COL19A1: variants seen among roughly 807,000 people sequenced by gnomAD.
COL19A1 encodes the protein collagen alpha-1(XIX) chain.
COL19A1 carries 159 observed loss-of-function variants against 190.2 expected under a neutral mutation model. That is an observed-to-expected ratio of 0.84 (90% CI 0.73 to 0.95). COL19A1 has a LOEUF of 0.95. Ranked by LOEUF, COL19A1 falls within the 40% of genes least tolerant of loss-of-function variation. The pLI, the probability that COL19A1 is intolerant of heterozygous loss-of-function variation, is 0.00. For missense variants in COL19A1, 1,418 were observed against 1,431.9 expected (o/e 0.99, Z 0.16); for synonymous variants, 509 against 458.9 (o/e 1.11, Z -1.39).
intron 9 of COL19A1, among the ~76,000 whole-genome samples, chr6:69,945,865 C>G (rs1180731012): frequency 1.3e-5 from 2 of 151,920 alleles, no homozygotes; most frequent in Non-Finnish European, 2.9e-5. Context: ...GAAACTCATT[C>G]AAAAAGTGTA....
intron 1 of COL19A1, among the ~76,000 whole-genome samples, chr6:69,872,387 A>T (rs553422987): frequency 3.2e-4 from 49 of 152,254 alleles, no homozygotes; most frequent in African/African-American, 1.1e-3. Flanking sequence ...ATATCTATTG[A>T]TAGGATGAGG....
intron 16 of COL19A1, among the ~76,000 whole-genome samples, chr6:70,113,637 A>G (rs941909463): frequency 2.0e-5 from 3 of 152,102 alleles, no homozygotes; most frequent in Non-Finnish European, 2.9e-5. Context: ...CTCAAAAGTT[A>G]TTTAAGATGC....
At chr6:70,022,838 CTAT>C in intron 11 of COL19A1, among the ~76,000 whole-genome samples, 1 of 152,186 alleles carries the variant, frequency 6.6e-6, no homozygotes, top group Admixed American at 6.5e-5. Flanking sequence ...AACTAGTTTC[CTAT>C]TATTGGACAG....
At chr6:70,035,557 G>T (rs919132563) in intron 13 of COL19A1, among the ~76,000 whole-genome samples, 1 of 152,054 alleles carries the variant, frequency 6.6e-6, no homozygotes, top group East Asian at 1.9e-4. Context: ...ATTATCTATC[G>T]CCGTGACACT....
chr6:69,889,709 A>C (rs904820628), intron 2 of COL19A1, among the ~76,000 whole-genome samples: 1 of 152,196 alleles, frequency 6.6e-6, no homozygotes, highest in African/African-American at 2.4e-5. Flanking sequence ...GTAAAAACGC[A>C]CCAATCAGCG....
At chr6:69,997,681 G>T (rs1174790069) in intron 11 of COL19A1, among the ~76,000 whole-genome samples, 1 of 151,964 alleles carries the variant, frequency 6.6e-6, no homozygotes, top group African/African-American at 2.4e-5. Flanking sequence ...AAATTGAAAT[G>T]ATCTAAAGAA....
chr6:70,123,770 A>G (rs1785026731), intron 17 of COL19A1, among the ~76,000 whole-genome samples: 1 of 142,722 alleles, frequency 7.0e-6, no homozygotes, highest in Non-Finnish European at 1.5e-5. Context: ...AGAACAACAC[A>G]TGGACACAGG....
At position 69,900,253 on chromosome 6, in the gene COL19A1, G is replaced by C. The variant is rs768155303; in HGVS notation, c.181G>C (p.Asp61His). ...KLEVSGFDLG[D>H]SFSLRRAFCE... is the part of the protein sequence containing the mutation. ...ACATTTTACAGGTTTTGATCTAGGA[G>C]ACAGCTTTTCTCTAAGACGTGCATT... is the stretch of plus-strand genomic sequence containing the variant. The change falls in exon 4 of 51, where the codon GAC becomes CAC. Residue 61 changes from aspartate (D) to histidine (H), a missense_variant. By Grantham distance (81) the Asp-to-His change is moderately conservative. Coordinates refer to ENST00000620364, the MANE Select transcript of COL19A1 (RefSeq NM_001858.6). The C allele has an allele frequency of 6.3e-7, 1 of 1,587,818 alleles. No homozygotes were observed. Among genetic ancestry groups the C allele is most frequent in the Non-Finnish European group, 8.6e-7 (1 of 1,167,166 alleles).
intron 40 of COL19A1, 76 bp downstream of exon 40, chr6:70,168,757 A>T: frequency 6.6e-7 from 1 of 1,512,514 alleles, no homozygotes; most frequent in East Asian, 2.3e-5. Flanking sequence ...CATCGGGCAA[A>T]ATGGCCTGCC....
At chr6:69,952,514 T>TAA (rs113073561) in intron 9 of COL19A1, among the ~76,000 whole-genome samples, 2 of 151,578 alleles carry the variant, frequency 1.3e-5, no homozygotes, top group East Asian at 1.9e-4. Context: ...CTTCTGGAAG[T>TAA]AAAAAAAGCT....
At chr6:70,062,243 T>A (rs10455227) in intron 14 of COL19A1, among the ~76,000 whole-genome samples, 48,962 of 151,896 alleles carry the variant, frequency 0.32, 9,976 homozygotes, top group Non-Finnish European at 0.45. Context: ...GTACTAACAC[T>A]TTAAAAAAAT....
At chr6:69,885,076 C>G (rs953491545) in intron 2 of COL19A1, among the ~76,000 whole-genome samples, 1 of 152,096 alleles carries the variant, frequency 6.6e-6, no homozygotes, top group Non-Finnish European at 1.5e-5. Context: ...GTTGGTCAGG[C>G]TGGTCTCGAA....
intron 4 of COL19A1, among the ~76,000 whole-genome samples, chr6:69,926,091 A>C (rs60748129): frequency 0.18 from 26,929 of 151,914 alleles, 3,171 homozygotes; most frequent in African/African-American, 0.32. Context: ...TTTCTCCTGC[A>C]TGATTGCCCT....
At chr6:70,115,680 A>G (rs187847408) in intron 16 of COL19A1, among the ~76,000 whole-genome samples, 48 of 152,304 alleles carry the variant, frequency 3.2e-4, no homozygotes, top group Non-Finnish European at 5.7e-4. Context: ...ATTTAATCCC[A>G]AGTATGAGAG....
At chr6:69,879,046 A>T (rs187930878) in intron 1 of COL19A1, among the ~76,000 whole-genome samples, 96 of 152,310 alleles carry the variant, frequency 6.3e-4, no homozygotes, top group Middle Eastern at 3.4e-3. Context: ...GTTGGGGGAG[A>T]GGAAAATGGG....
chr6:69,966,964 C>T (rs1159948719), intron 11 of COL19A1, among the ~76,000 whole-genome samples: 2 of 152,048 alleles, frequency 1.3e-5, no homozygotes, highest in Non-Finnish European at 2.9e-5. Flanking sequence ...TTATACCATT[C>T]AATATTTTTA....
intron 11 of COL19A1, among the ~76,000 whole-genome samples, chr6:70,021,212 G>A (rs537782643): frequency 6.6e-6 from 1 of 152,172 alleles, no homozygotes; most frequent in African/African-American, 2.4e-5. Flanking sequence ...TCAATTTTAA[G>A]CAGTATGTTT....
At chr6:69,957,839 CAGAG>C (rs1416706956) in intron 9 of COL19A1, among the ~76,000 whole-genome samples, 1 of 152,098 alleles carries the variant, frequency 6.6e-6, no homozygotes, top group African/African-American at 2.4e-5. Context: ...ACCTGGGTGT[CAGAG>C]GGAGCATAAA....
intron 14 of COL19A1, among the ~76,000 whole-genome samples, chr6:70,042,238 C>T (rs146025335): frequency 9.0e-4 from 137 of 152,124 alleles, no homozygotes; most frequent in African/African-American, 2.6e-3. Context: ...GTATCAAATT[C>T]GAATTAAAAA....
Sources: allele counts gnomAD v4.1 joint callset (sites outside exome capture counted in the v4.1 genomes callset), GRCh38; gene constraint gnomAD v4.1.1; transcripts MANE v1.5; gene names NCBI Gene and HGNC (gene_info 2026-07-23, HGNC 2026-07-21).